UTP20: variants seen among roughly 807,000 people sequenced by gnomAD.
The protein encoded by UTP20 is small subunit processome component 20 homolog.
Under a neutral mutation model 329.5 loss-of-function variants are expected in UTP20, and 164 were observed. The ratio of observed to expected loss-of-function variants is 0.50; its 90% CI spans 0.44 to 0.57. The LOEUF (loss-of-function observed/expected upper bound fraction) is 0.57, where lower values mean the gene tolerates loss of function less well. Ranked by LOEUF, UTP20 falls within the 20% of genes least tolerant of loss-of-function variation. The pLI is 0.00. For synonymous variants in UTP20, 1,151 were observed against 1,159.3 expected, an observed-to-expected ratio of 0.99 and a Z score of 0.14; for missense variants, 3,055 against 3,284.2, an observed-to-expected ratio of 0.93 and a Z score of 1.71.
At chr12:101,302,900 C>G (rs116575114) in intron 15 of UTP20, among the ~76,000 whole-genome samples, 2 of 152,160 alleles carry the variant, frequency 1.3e-5, no homozygotes, top group African/African-American at 4.8e-5. Context: ...CACTCTTGTT[C>G]GGCCTCAACT....
chr12:101,315,040 C>T (rs1320663598), intron 21 of UTP20, among the ~76,000 whole-genome samples: 2 of 151,750 alleles, frequency 1.3e-5, no homozygotes, highest in African/African-American at 2.4e-5. Context: ...TGCAGTGAGC[C>T]GAGATCGTGC....
At chr12:101,344,904 T>C (rs1436805403) in intron 36 of UTP20, among the ~76,000 whole-genome samples, 154 bp downstream of exon 36, 1 of 146,514 alleles carries the variant, frequency 6.8e-6, no homozygotes, top group Admixed American at 7.0e-5. Flanking sequence ...TTAATGGGAG[T>C]GGGTCTAGAA....
At position 101,331,149 on chromosome 12, in the gene UTP20, A is replaced by G. The variant is rs1451868563; in HGVS notation, c.3417+1700A>G. 2.6e-5 allele frequency among the ~76,000 whole-genome samples: 4 copies of G among 152,316 alleles called. No individual in the cohort carries two copies. In the East Asian group the frequency reaches 5.8e-4, roughly 22 times the overall value. On this transcript the variant is annotated intron_variant, in intron 27 of 61. Transcript: ENST00000261637. ...ACTGTTCCTCTAGGAATTAAATTCTATGATTGCTCATTTTCAGGATTTTTC... is the reference window on the plus strand; with the variant it reads ...ACTGTTCCTCTAGGAATTAAATTCTGTGATTGCTCATTTTCAGGATTTTTC...
Position 101,344,680 on chromosome 12 carries a change from A to G in UTP20, c.4535A>G (p.Lys1512Arg). 1 of 1,609,686 alleles carries G rather than the reference A, an allele frequency of 6.2e-7. No individual in the cohort carries two copies. Among genetic ancestry groups the G allele is most frequent in the Non-Finnish European group, 8.5e-7 (1 of 1,175,940 alleles). Residue 1512 changes from lysine to arginine, a missense_variant, in exon 36 of 62, where the codon AAA becomes AGA. Physicochemically the swap from Lys to Arg is conservative, Grantham distance 26. Around this residue, in one of 3 missense-constraint regions of UTP20, gnomAD observed 2,445 missense variants for 2,575.5 expected, o/e 0.95. Transcript: ENST00000261637. ...CTAGCTGCCTTGAATGTCACAGAGA[A>G]AGACTATAGAGAAATCATCCACCGT... ...KKLAALNVTE[K>R]DYREIIHRSL...
chr12:101,316,980 G>A (rs1872990408), intron 21 of UTP20, among the ~76,000 whole-genome samples: 1 of 152,178 alleles, frequency 6.6e-6, no homozygotes, highest in African/African-American at 2.4e-5. Context: ...TGTTGTGGCT[G>A]CTCAAAAAAG....
chr12:101,385,044 G>A (rs562357314), intron 60 of UTP20, among the ~76,000 whole-genome samples: 1 of 150,258 alleles, frequency 6.7e-6, no homozygotes, highest in East Asian at 2.0e-4. Flanking sequence ...AGAAGGGTGG[G>A]AGAAATGGCT....
chr12:101,352,734 C>T (rs61944234), intron 39 of UTP20, among the ~76,000 whole-genome samples: 4 of 149,238 alleles, frequency 2.7e-5, no homozygotes, highest in Non-Finnish European at 4.4e-5. Context: ...GTGGGTGCAG[C>T]GCACCAGCAT....
Position 101,336,631 on chromosome 12 carries a change from C to A in UTP20, c.3642-1420C>A, listed in dbSNP as rs1330013993. On this transcript the variant is annotated intron_variant, in intron 29 of 61. Transcript: ENST00000261637. The stretch of plus-strand genomic sequence containing the variant: ...TAGCAGTCTCTTCTTCCTGCATGCC[C>A]TTTCCAGCTCTGTAAGGCCCTGTCA... 2.0e-5 allele frequency among the ~76,000 whole-genome samples: 3 copies of A among 152,190 alleles called. No individual in the cohort carries two copies. The East Asian group carries it at 5.8e-4, about 29-fold the overall frequency.
intron 12 of UTP20, among the ~76,000 whole-genome samples, chr12:101,298,427 G>A (rs577354416): frequency 6.6e-6 from 1 of 152,254 alleles, no homozygotes; most frequent in African/African-American, 2.4e-5. Flanking sequence ...AGAAGGAAAA[G>A]TTAACTGCAA....
chr12:101,374,694 A>C (rs1403285746), intron 54 of UTP20, 114 bp from the exon 55 acceptor site: 1 of 643,530 alleles, frequency 1.6e-6, no homozygotes, highest in East Asian at 2.5e-5. Context: ...CATCAGAAAG[A>C]AATGTTTATT....
In UTP20 at chr12:101,308,311, C is replaced by T; in HGVS notation, c.2122C>T (p.Gln708Ter). 1 of 1,593,262 alleles carries T rather than the reference C, an allele frequency of 6.3e-7. No individual in the cohort carries two copies. Among genetic ancestry groups the T allele is most frequent in the South Asian group, 1.1e-5 (1 of 87,310 alleles). ...GAGAAAACTAAGACATGATGTGGTA[C>T]AGACTGCTGTCCCTGATGGGCCGTT... Reference protein sequence around the residue: ...HLRKLRHDVVQTAVPDGPLQE... With the variant: ...HLRKLRHDVV The change falls in exon 18 of 62, where the codon CAG (glutamine) becomes TAG (stop). Residue 708 changes from glutamine (Q) to a stop codon, truncating the protein, a stop_gained. Coordinates refer to ENST00000261637, the MANE Select transcript of UTP20 (RefSeq NM_014503.3). LOFTEE classifies it high-confidence loss of function.
Position 101,334,487 on chromosome 12 carries a change from C to G in UTP20, c.3624C>G (p.Ile1208Met), listed in dbSNP as rs762288798. Reference protein sequence around the residue: ...SPTPLLKLISIWSRNARYFPL... With the variant: ...SPTPLLKLISMWSRNARYFPL... ...CTCCTCTGCTGAAACTGATCAGTAT[C>G]TGGAGCAGAAACGCAAGGTATAACC... Residue 1208 changes from isoleucine to methionine, a missense_variant, in exon 29 of 62, where the codon ATC becomes ATG. Transcript: ENST00000261637. 6.2e-7 allele frequency: 1 copy of G among 1,611,660 alleles called. No homozygotes were observed. The highest frequency in any genetic ancestry group is 1.3e-5 in the African/African-American group (1 of 75,030).
chr12:101,308,133 G>T, intron 17 of UTP20, 52 bp from the exon 18 acceptor site: 11 of 1,423,926 alleles, frequency 7.7e-6, no homozygotes, highest in South Asian at 5.1e-5. Flanking sequence ...TGTTCTTTTT[G>T]GAAAATCAAA....
At position 101,327,749 on chromosome 12, in the gene UTP20, G is replaced by A. The variant is rs140557212; in HGVS notation, c.3208+502G>A. Among the ~76,000 whole-genome samples the A allele has an allele frequency of 3.9e-5, 6 of 152,312 alleles. No individual in the cohort carries two copies. The East Asian group carries it at 1.2e-3, about 29-fold the overall frequency. ...GTTGAGATGAAATGGATGTAATCGTGTATACATTGAGCTAGAGTGCTCTGT... is the reference window on the plus strand; with the variant it reads ...GTTGAGATGAAATGGATGTAATCGTATATACATTGAGCTAGAGTGCTCTGT... On this transcript the variant is annotated intron_variant, in intron 26 of 61. Coordinates refer to ENST00000261637, the MANE Select transcript of UTP20 (RefSeq NM_014503.3).
At chr12:101,373,368 T>TA (rs772294972) in intron 52 of UTP20, 33 bp from the exon 53 acceptor site, 2 of 1,566,212 alleles carry the variant, frequency 1.3e-6, no homozygotes, top group Admixed American at 1.7e-5. Context: ...ATTTAGAAGA[T>TA]ACTAACAAAT....
chr12:101,360,128 A>AT (rs1268415448), intron 43 of UTP20, among the ~76,000 whole-genome samples: 1 of 152,210 alleles, frequency 6.6e-6, no homozygotes, highest in Non-Finnish European at 1.5e-5. Flanking sequence ...AAATAACTAA[A>AT]TTAGAGTTGA....
chr12:101,286,853 G>A (rs542031403), intron 5 of UTP20, among the ~76,000 whole-genome samples: 229 of 151,942 alleles, frequency 1.5e-3, no homozygotes, highest in African/African-American at 5.3e-3. Flanking sequence ...AGAATTGTTT[G>A]GTTATAATGT....
intron 29 of UTP20, among the ~76,000 whole-genome samples, chr12:101,335,827 A>G (rs1359177265): frequency 6.6e-6 from 1 of 152,184 alleles, no homozygotes. Flanking sequence ...TACTAATAGT[A>G]TGTTCTCTAC....
intron 16 of UTP20, 107 bp from the exon 17 acceptor site, chr12:101,306,592 G>A (rs1172132050): frequency 9.7e-7 from 1 of 1,034,582 alleles, no homozygotes; most frequent in Admixed American, 2.6e-5. Context: ...CTGGTCAAAT[G>A]GTATTTTTTT....
Sources: gnomAD v4.1 joint callset for allele counts (sites outside exome capture counted in the v4.1 genomes callset) on GRCh38, gnomAD v4.1.1 for gene constraint, gnomAD v4.1.1 regional missense constraint, MANE v1.5 for transcripts, NCBI Gene and HGNC (gene_info 2026-07-23, HGNC 2026-07-21) for gene names.